The following KLF10 variants were observed in gnomAD, a reference collection of about 807,000 sequenced individuals.
KLF10 encodes the protein Krueppel-like factor 10.
In KLF10, 17 loss-of-function variants were observed where a neutral mutation model predicts 31.6. The ratio of observed to expected loss-of-function variants is 0.54; its 90% CI spans 0.37 to 0.81. The LOEUF (loss-of-function observed/expected upper bound fraction) is 0.81. KLF10 is among the 30% of genes least tolerant of loss of function. KLF10 has a pLI of 0.00. For synonymous variants in KLF10, 239 were observed against 215.1 expected (o/e 1.11, Z -0.97); for missense variants, 525 against 598.1 (o/e 0.88, Z 1.27).
In KLF10 at chr8:102,653,653, T is replaced by C. The variant is rs945357305; in HGVS notation, c.37-1256A>G. On this transcript the variant is annotated intron_variant, in intron 1 of 3. Transcript: ENST00000285407. Reference sequence around the variant, plus strand: ...AAAACGAGCCATTGCTCTTGAAATATCGCTAACAATATAATTGCATAATCG... The same window carrying C: ...AAAACGAGCCATTGCTCTTGAAATACCGCTAACAATATAATTGCATAATCG... 5.3e-6 allele frequency: 7 copies of C among 1,320,332 alleles called. No homozygotes were observed. In the African/African-American group the frequency reaches 6.1e-5, roughly 12 times the overall value. 81.8% of individuals were successfully genotyped at this position (1,320,332 alleles called of 1,614,324 possible). A position where few individuals can be genotyped will look rare whatever the true frequency, so the allele number is the denominator to read the frequency against.
chr8:102,653,910 G>A, intron 1 of KLF10: 1 of 982,246 alleles, frequency 1.0e-6, no homozygotes, highest in Non-Finnish European at 1.2e-6. Flanking sequence ...GGGGCGGACG[G>A]CGGGGGAGAT....
intron 1 of KLF10, chr8:102,653,878 C>T (rs907980045): frequency 1.3e-5 from 3 of 236,654 alleles, no homozygotes; most frequent in South Asian, 3.9e-4. Context: ...GAGGCGCGGG[C>T]GGGGGAGGCA....
intron 1 of KLF10, chr8:102,653,995 C>T: frequency 3.0e-6 from 3 of 985,182 alleles, no homozygotes; most frequent in Non-Finnish European, 3.6e-6. Context: ...TGGGAACATT[C>T]CTCGCCGCTC....
chr8:102,655,529 A>G, intron 1 of KLF10, 37 bp downstream of exon 1: 1 of 1,613,724 alleles, frequency 6.2e-7, no homozygotes, highest in Non-Finnish European at 8.5e-7. Flanking sequence ...AGACAAGACC[A>G]GGCGAGGAAG....
intron 1 of KLF10, among the ~76,000 whole-genome samples, chr8:102,654,646 C>T (rs1827315727): frequency 6.6e-6 from 1 of 151,980 alleles, no homozygotes; most frequent in Non-Finnish European, 1.5e-5. Flanking sequence ...GCGGCGCCCC[C>T]TCCCCGTGGC....
At chr8:102,652,466 G>C in intron 1 of KLF10, 69 bp from the exon 2 acceptor site, 1 of 658,698 alleles carries the variant, frequency 1.5e-6, no homozygotes, top group Non-Finnish European at 2.3e-6. Flanking sequence ...AGAAAAATGA[G>C]CAAATTTTTT....
At chr8:102,654,358 G>T (rs1330199156) in intron 1 of KLF10, 6 of 149,738 alleles carry the variant, frequency 4.0e-5, no homozygotes, top group African/African-American at 1.5e-4. Context: ...CCCGCGAGCC[G>T]CCGTTCCCTT....
chr8:102,654,026 C>T (rs1331702913), intron 1 of KLF10: 1 of 979,470 alleles, frequency 1.0e-6, no homozygotes, highest in East Asian at 1.1e-4. Context: ...GCGCCCCTGC[C>T]CCCGCCATTG....
In KLF10 at chr8:102,650,135, C is replaced by A; in HGVS notation, c.1440G>T (p.Gln480His). Residue 480 changes from glutamine (Q) to histidine (H), a missense_variant, in exon 4 of 4, where the codon CAG becomes CAT. Transcript: ENST00000285407. ...TGACTCTTCACTTTCCGGTCTGTCA[C>A]TGTGTGGGAGCAGGGGTTGGAGGTA... ...IALPPTPAPT[Q>H] is the part of the protein sequence containing the mutation. 6.2e-7 allele frequency: 1 copy of A among 1,614,134 alleles called. No individual in the cohort carries two copies. The highest frequency in any genetic ancestry group is 1.1e-5 in the South Asian group (1 of 91,080).
Position 102,653,525 on chromosome 8 carries a change from G to C in KLF10, c.37-1128C>G, listed in dbSNP as rs73698981. On this transcript the variant is annotated intron_variant, in intron 1 of 3. Transcript: ENST00000285407. ...TGTCCAGACTCGTTTGGTCAAAGTA[G>C]AGATTGTGTAAAAATACCAAAAAAC... 2.6e-3 allele frequency: 3,861 copies of C among 1,511,628 alleles called. 93 individuals are homozygous for C. In the African/African-American group the frequency reaches 0.048, roughly 19 times the overall value. The allele number at this position is 1,511,628 out of a possible 1,614,324, so 93.6% of individuals were successfully genotyped here.
intron 1 of KLF10, among the ~76,000 whole-genome samples, chr8:102,655,287 G>T (rs530541421): frequency 6.7e-6 from 1 of 150,118 alleles, no homozygotes; most frequent in Admixed American, 6.6e-5. Context: ...CAGCCCTCTC[G>T]GGTCTCCATG....
chr8:102,653,879 G>A, intron 1 of KLF10: 2 of 954,726 alleles, frequency 2.1e-6, no homozygotes, highest in Non-Finnish European at 2.5e-6. Context: ...AGGCGCGGGC[G>A]GGGGAGGCAG....
rs377187766 is a variant in KLF10 at position 102,653,532 on chromosome 8, T to C, written c.37-1135A>G. ...ACTCGTTTGGTCAAAGTAGAGATTG[T>C]GTAAAAATACCAAAAAACATTCTTT... On this transcript the variant is annotated intron_variant, in intron 1 of 3. Transcript: ENST00000285407. 1.4e-3 allele frequency: 2,058 copies of C among 1,501,236 alleles called. 18 individuals carry two copies. The highest frequency in any genetic ancestry group is 9.4e-3 in the South Asian group (690 of 73,676). 93.0% of individuals were successfully genotyped at this position (1,501,236 alleles called of 1,614,324 possible).
In KLF10 at chr8:102,651,595, G is replaced by A. The variant is rs762089226; in HGVS notation, c.737C>T (p.Ala246Val). The change falls in exon 3 of 4, where the codon GCC (alanine) becomes GTC (valine). Residue 246 changes from alanine to valine, a missense_variant. Physicochemically the swap from Ala to Val is moderately conservative, Grantham distance 64. Transcript: ENST00000285407. ...SETVICRSQP[A>V]PVSPQQKSVL... Reference sequence around the variant, plus strand: ...TGACTTCTGTTGTGGGGACACAGGGGCTGGCTGAGACCTGCAGATGACCGT... The same window carrying A: ...TGACTTCTGTTGTGGGGACACAGGGACTGGCTGAGACCTGCAGATGACCGT... The A allele has an allele frequency of 3.1e-6, 5 of 1,614,104 alleles. No homozygotes were observed. The African/African-American group carries it at 4.0e-5, about 13-fold the overall frequency.
At chr8:102,652,103 T>C in intron 2 of KLF10, 42 bp from the exon 3 acceptor site, 1 of 1,491,158 alleles carries the variant, frequency 6.7e-7, no homozygotes, top group Non-Finnish European at 9.0e-7. Context: ...ATCTACAGTT[T>C]ATTATATAAA....
rs906078603 is a variant in KLF10 at position 102,650,154 on chromosome 8, G to A, written c.1421C>T (p.Pro474Leu). 8.1e-6 allele frequency: 13 copies of A among 1,614,098 alleles called. No individual in the cohort carries two copies. Among genetic ancestry groups the A allele is most frequent in the Non-Finnish European group, 1.1e-5 (13 of 1,180,030 alleles). The change falls in exon 4 of 4, where the codon CCA (proline) becomes CTA (leucine). Residue 474 changes from proline to leucine, a missense_variant. By Grantham distance (98) the Pro-to-Leu change is moderately conservative (BLOSUM62 -3). Coordinates refer to ENST00000285407, the MANE Select transcript of KLF10 (RefSeq NM_005655.4). ...CTGTCACTGTGTGGGAGCAGGGGTT[G>A]GAGGTAGAGCAATGTCATTTAGCTT... ...VSKLNDIALP[P>L]TPAPTQ
At position 102,651,953 on chromosome 8, in the gene KLF10, T is replaced by G. The variant is rs757597428; in HGVS notation, c.379A>C (p.Lys127Gln). ...VHFKSLSDTA[K>Q]PHIAAPFKEE... is the part of the protein sequence containing the mutation. ...TTGAAAGGTGCGGCAATGTGAGGTT[T>G]GGCAGTATCTGAGAGTGACTTGAAG... The change falls in exon 3 of 4, where the codon AAA (lysine) becomes CAA (glutamine). Residue 127 changes from lysine to glutamine, a missense_variant. Transcript: ENST00000285407. 6.2e-7 allele frequency: 1 copy of G among 1,614,052 alleles called. No individual in the cohort carries two copies. The highest frequency in any genetic ancestry group is 1.1e-5 in the South Asian group (1 of 91,072).
intron 1 of KLF10, among the ~76,000 whole-genome samples, chr8:102,652,902 A>C (rs1162260040): frequency 6.6e-6 from 1 of 152,094 alleles, no homozygotes; most frequent in Non-Finnish European, 1.5e-5. Context: ...TGAGGTACAA[A>C]TTGCTGATAG....
chr8:102,655,673 G>T lies in KLF10; in HGVS notation c.-72C>A. ...GCTGGCTGCTTGGCCACAGACGGGCGCACGGAGACACTCGACGCCGCTCCC... is the reference window on the plus strand; with the variant it reads ...GCTGGCTGCTTGGCCACAGACGGGCTCACGGAGACACTCGACGCCGCTCCC... On this transcript the variant is annotated 5_prime_UTR_variant, in exon 1 of 4. Coordinates refer to ENST00000285407, the MANE Select transcript of KLF10 (RefSeq NM_005655.4). 2 of 1,559,898 alleles carry T rather than the reference G, an allele frequency of 1.3e-6. No homozygotes were observed. Among genetic ancestry groups the T allele is most frequent in the Non-Finnish European group, 1.8e-6 (2 of 1,139,560 alleles).
Sources: allele counts gnomAD v4.1 joint callset (sites outside exome capture counted in the v4.1 genomes callset), GRCh38; gene constraint gnomAD v4.1.1; transcripts MANE v1.5; gene names NCBI Gene and HGNC (gene_info 2026-07-23, HGNC 2026-07-21).